The following CLOCK variants were observed in gnomAD, a reference collection of about 807,000 sequenced individuals.
CLOCK encodes circadian locomoter output cycles protein kaput.
In CLOCK, 43 loss-of-function variants were observed where a neutral mutation model predicts 118.4. The ratio of observed to expected loss-of-function variants is 0.36; its 90% CI spans 0.28 to 0.47. The LOEUF (loss-of-function observed/expected upper bound fraction) is 0.47. Among genes scored for constraint, CLOCK ranks in the 20% least tolerant of loss-of-function variants. The pLI is 1.00. For missense variants in CLOCK, 846 were observed against 999.9 expected, an observed-to-expected ratio of 0.85 and a Z score of 2.08; for synonymous variants, 326 against 339.2, an observed-to-expected ratio of 0.96 and a Z score of 0.43.
intron 7 of CLOCK, among the ~76,000 whole-genome samples, chr4:55,471,776 G>C (rs908793431): frequency 1.3e-5 from 2 of 152,126 alleles, no homozygotes; most frequent in Admixed American, 1.3e-4. Context: ...AAAGGCCAGA[G>C]AAAATGACAG....
At chr4:55,469,185 G>C (rs1306222874) in intron 8 of CLOCK, among the ~76,000 whole-genome samples, 1 of 151,594 alleles carries the variant, frequency 6.6e-6, no homozygotes, top group Non-Finnish European at 1.5e-5. Context: ...GAGTGCAATG[G>C]CTCGATCTCG....
At chr4:55,471,248 T>C (rs1266772808) in intron 7 of CLOCK, among the ~76,000 whole-genome samples, 1 of 152,180 alleles carries the variant, frequency 6.6e-6, no homozygotes, top group Non-Finnish European at 1.5e-5. Flanking sequence ...AGGAGATATA[T>C]GAAGAATAAA....
intron 14 of CLOCK, chr4:55,453,424 AC>A: frequency 2.1e-6 from 1 of 482,420 alleles, no homozygotes; most frequent in Non-Finnish European, 3.6e-6. Flanking sequence ...TACATGACTG[AC>A]ATTACTACAT....
Position 55,479,621 on chromosome 4 carries a change from A to G in CLOCK, c.107+19T>C, listed in dbSNP as rs979803771. The G allele has an allele frequency of 1.9e-6, 3 of 1,575,390 alleles. No individual in the cohort carries two copies. Among genetic ancestry groups the G allele is most frequent in the Non-Finnish European group, 2.6e-6 (3 of 1,145,942 alleles). On this transcript the variant is annotated intron_variant, in intron 5 of 22. Coordinates refer to ENST00000513440, the MANE Select transcript of CLOCK (RefSeq NM_004898.4). The stretch of plus-strand genomic sequence containing the variant: ...CTATTATTCATTCATTTACTATTTT[A>G]TATCTCTAATCAAACTACCTTTTCG...
chr4:55,530,749 T>C (rs918568991), intron 1 of CLOCK, among the ~76,000 whole-genome samples: 2 of 69,390 alleles, frequency 2.9e-5, no homozygotes, highest in African/African-American at 1.1e-4. Context: ...CACTCCAGCC[T>C]GGGAAAAAGA....
chr4:55,456,128 AT>A lies in CLOCK; in HGVS notation c.875+89del, dbSNP rs1409553760. 6.8e-6 allele frequency: 9 copies of A among 1,330,282 alleles called. No individual in the cohort carries two copies. The East Asian group carries it at 7.3e-5, about 11-fold the overall frequency. The allele number at this position is 1,330,282 out of a possible 1,614,324, so 82.4% of individuals were successfully genotyped here. ...AATGGGAACAGGTTTCAAAGTCCTA[AT>A]TTAAAAAAAAGTTTGCCCTTGATCC... On this transcript the variant is annotated intron_variant, in intron 12 of 22. Transcript: ENST00000513440.
intron 2 of CLOCK, among the ~76,000 whole-genome samples, chr4:55,490,073 C>T (rs1012427671): frequency 6.7e-6 from 1 of 149,240 alleles, no homozygotes; most frequent in African/African-American, 2.4e-5. Context: ...AATCAAAATA[C>T]ATGGAGTGGC....
intron 21 of CLOCK, chr4:55,442,195 T>G: frequency 2.0e-6 from 1 of 501,854 alleles, no homozygotes; most frequent in Non-Finnish European, 3.6e-6. Context: ...AGAATTTGTA[T>G]TCTATAATAT....
chr4:55,477,063 CA>C (rs1225602306), intron 6 of CLOCK, among the ~76,000 whole-genome samples: 3 of 151,974 alleles, frequency 2.0e-5, no homozygotes, highest in Admixed American at 1.3e-4. Context: ...AAATTCACAT[CA>C]ATTATATACA....
At chr4:55,457,268 A>C (rs1012166881) in intron 11 of CLOCK, among the ~76,000 whole-genome samples, 3 of 152,242 alleles carry the variant, frequency 2.0e-5, no homozygotes, top group African/African-American at 7.2e-5. Context: ...ATACATGTGT[A>C]GTGGCCAGTG....
At chr4:55,538,234 C>T (rs1190980655) in intron 1 of CLOCK, among the ~76,000 whole-genome samples, 1 of 152,060 alleles carries the variant, frequency 6.6e-6, no homozygotes, top group African/African-American at 2.4e-5. Context: ...CCTTCGAAAA[C>T]TTATCAGGCA....
At position 55,430,157 on chromosome 4, in the gene CLOCK, TTC is replaced by T; in HGVS notation, c.*5256_*5257del. On this transcript the variant is annotated 3_prime_UTR_variant, in exon 23 of 23. Coordinates refer to ENST00000513440, the MANE Select transcript of CLOCK (RefSeq NM_004898.4). The stretch of plus-strand genomic sequence containing the variant: ...TTGCTTCTTTGAACCCCTTTCTAAA[TTC>T]TTTCATAAATACTTACTAGTTTGAT... 1 of 152,234 alleles carries T rather than the reference TTC, an allele frequency of 6.6e-6. No homozygotes were observed. Among genetic ancestry groups the T allele is most frequent in the Non-Finnish European group, 1.5e-5 (1 of 68,036 alleles). The allele number at this position is 152,234 out of a possible 1,614,324, so 9.4% of individuals were successfully genotyped here. A position where few individuals can be genotyped will look rare whatever the true frequency, so the allele number is the denominator to read the frequency against.
Position 55,453,114 on chromosome 4 carries a change from C to T in CLOCK, c.1146G>A (p.Arg382=). The T allele has an allele frequency of 6.2e-7, 1 of 1,612,864 alleles. No homozygotes were observed. Among genetic ancestry groups the T allele is most frequent in the Non-Finnish European group, 8.5e-7 (1 of 1,179,204 alleles). ...THTVVSYAEV[R]AERRRELGIE... is the part of the protein sequence containing the mutation. Reference sequence around the variant, plus strand: ...TGCCAAGTTCTCGTCGTCTTTCAGCCCTAACTTCTGCATAACTACAAATGG... The same window carrying T: ...TGCCAAGTTCTCGTCGTCTTTCAGCTCTAACTTCTGCATAACTACAAATGG... The change falls in exon 15 of 23, where the codon AGG becomes AGA. Residue 382 remains arginine (R), a synonymous_variant. Coordinates refer to ENST00000513440, the MANE Select transcript of CLOCK (RefSeq NM_004898.4).
At chr4:55,525,268 T>C (rs1397496915) in intron 1 of CLOCK, among the ~76,000 whole-genome samples, 1 of 152,032 alleles carries the variant, frequency 6.6e-6, no homozygotes, top group Non-Finnish European at 1.5e-5. Context: ...AGGTTGGGAG[T>C]TCGAGACCAG....
chr4:55,505,256 T>C (rs1314000631), intron 2 of CLOCK, among the ~76,000 whole-genome samples: 3 of 150,144 alleles, frequency 2.0e-5, no homozygotes. Flanking sequence ...AACAGTACCA[T>C]CATGTAAACA....
intron 2 of CLOCK, among the ~76,000 whole-genome samples, chr4:55,492,288 T>A (rs1244439760): frequency 1.4e-5 from 2 of 146,584 alleles, no homozygotes; most frequent in African/African-American, 5.0e-5. Flanking sequence ...AAACCAAGGA[T>A]AAAAATCGTA....
At chr4:55,501,956 G>A (rs1020684040) in intron 2 of CLOCK, among the ~76,000 whole-genome samples, 4 of 151,976 alleles carry the variant, frequency 2.6e-5, no homozygotes, top group African/African-American at 4.8e-5. Flanking sequence ...AAACTACAAG[G>A]GCTTTTATAA....
At chr4:55,472,819 A>C (rs923939319) in intron 7 of CLOCK, among the ~76,000 whole-genome samples, 1 of 152,126 alleles carries the variant, frequency 6.6e-6, no homozygotes, top group Non-Finnish European at 1.5e-5. Flanking sequence ...TGGCTCAAAC[A>C]AACCCAGTCT....
chr4:55,493,102 T>C (rs1727835488), intron 2 of CLOCK, among the ~76,000 whole-genome samples: 1 of 152,080 alleles, frequency 6.6e-6, no homozygotes, highest in Non-Finnish European at 1.5e-5. Context: ...CTTTTAATTG[T>C]CCAATACTAG....
Sources: allele counts gnomAD v4.1 joint callset (sites outside exome capture counted in the v4.1 genomes callset), GRCh38; gene constraint gnomAD v4.1.1; transcripts MANE v1.5; gene names NCBI Gene and HGNC (gene_info 2026-07-23, HGNC 2026-07-21).